Variants in SPATA17 observed in about 807,000 individuals in gnomAD.
SPATA17 encodes the protein spermatogenesis associated 17.
In SPATA17, 53 loss-of-function variants were observed where a neutral mutation model predicts 62.2. The ratio of observed to expected loss-of-function variants is 0.85; its 90% CI spans 0.68 to 1.07. SPATA17 has a LOEUF of 1.07. Among genes scored for constraint, SPATA17 ranks in the 50% least tolerant of loss-of-function variants. SPATA17 has a pLI of 0.00. For synonymous variants in SPATA17, 146 were observed against 146.8 expected (o/e 0.99, Z 0.04); for missense variants, 466 against 425.5 (o/e 1.10, Z -0.84).
At chr1:217,735,933 A>T (rs573700771) in intron 5 of SPATA17, among the ~76,000 whole-genome samples, 16 of 151,634 alleles carry the variant, frequency 1.1e-4, no homozygotes, top group Admixed American at 3.9e-4. Context: ...GTTACATAAC[A>T]TACATATTAT....
intron 9 of SPATA17, among the ~76,000 whole-genome samples, chr1:217,810,212 AC>A (rs1352792743): frequency 4.6e-5 from 7 of 152,172 alleles, no homozygotes. Flanking sequence ...AAATATAGAA[AC>A]TTTTGGATAC....
chr1:217,659,050 T>A (rs1670506443), intron 3 of SPATA17, among the ~76,000 whole-genome samples: 2 of 152,242 alleles, frequency 1.3e-5, no homozygotes, highest in South Asian at 2.1e-4. Context: ...AACTGAGTAG[T>A]TGAGGGACAG....
At chr1:217,656,312 T>G (rs895938362) in intron 3 of SPATA17, among the ~76,000 whole-genome samples, 1 of 152,200 alleles carries the variant, frequency 6.6e-6, no homozygotes, top group Non-Finnish European at 1.5e-5. Context: ...CTTTTAAGAG[T>G]TCAAATAATA....
chr1:217,661,711 C>G (rs1320396459), intron 3 of SPATA17, among the ~76,000 whole-genome samples: 1 of 152,142 alleles, frequency 6.6e-6, no homozygotes, highest in African/African-American at 2.4e-5. Flanking sequence ...TGTTGGGTCA[C>G]AACTGTGAAA....
chr1:217,831,289 A>C (rs1675133315), intron 9 of SPATA17, among the ~76,000 whole-genome samples: 1 of 152,102 alleles, frequency 6.6e-6, no homozygotes, highest in Non-Finnish European at 1.5e-5. Flanking sequence ...GCCTGTAAGC[A>C]GCATTAGAGA....
intron 6 of SPATA17, among the ~76,000 whole-genome samples, chr1:217,744,458 G>A (rs568628578): frequency 0.036 from 656 of 18,166 alleles, 75 homozygotes; most frequent in African/African-American, 0.074. Context: ...GCGAGACTCC[G>A]TCTCAAAAAA....
At chr1:217,666,509 G>A (rs922645710) in intron 3 of SPATA17, among the ~76,000 whole-genome samples, 2 of 151,388 alleles carry the variant, frequency 1.3e-5, no homozygotes, top group Admixed American at 1.3e-4. Flanking sequence ...ATGGAAATGC[G>A]GTTCACATTT....
intron 3 of SPATA17, among the ~76,000 whole-genome samples, chr1:217,664,197 A>G (rs1246422364): frequency 6.6e-6 from 1 of 151,946 alleles, no homozygotes; most frequent in Admixed American, 6.6e-5. Context: ...AGATTAGGGA[A>G]TTGAATGTGC....
intron 8 of SPATA17, among the ~76,000 whole-genome samples, chr1:217,795,104 G>A (rs1674099661): frequency 6.6e-6 from 1 of 152,056 alleles, no homozygotes; most frequent in Non-Finnish European, 1.5e-5. Context: ...CTAGTCTTAA[G>A]ACTAATGTTA....
intron 3 of SPATA17, among the ~76,000 whole-genome samples, chr1:217,652,377 T>G (rs1346989617): frequency 6.6e-6 from 1 of 152,022 alleles, no homozygotes; most frequent in Non-Finnish European, 1.5e-5. Flanking sequence ...GATTACAGGC[T>G]CCAGCCACCA....
chr1:217,787,547 C>T (rs982683808), intron 8 of SPATA17, among the ~76,000 whole-genome samples: 43 of 152,026 alleles, frequency 2.8e-4, no homozygotes, highest in Admixed American at 2.8e-3. Context: ...TCCTCAAATC[C>T]ATTTAAAAAA....
intron 9 of SPATA17, among the ~76,000 whole-genome samples, chr1:217,847,212 T>G (rs1023188337): frequency 6.6e-6 from 1 of 151,988 alleles, no homozygotes; most frequent in Non-Finnish European, 1.5e-5. Flanking sequence ...GACTAAATTT[T>G]TGTATGTATT....
At chr1:217,656,041 G>A (rs140273710) in intron 3 of SPATA17, among the ~76,000 whole-genome samples, 6,753 of 151,018 alleles carry the variant, frequency 0.045, 230 homozygotes, top group Middle Eastern at 0.11. Context: ...CACCCCCCAC[G>A]CCCGGCTAGT....
At chr1:217,631,484 G>A in intron 1 of SPATA17, 38 bp downstream of exon 1, 1 of 1,604,672 alleles carries the variant, frequency 6.2e-7, no homozygotes, top group African/African-American at 1.3e-5. Context: ...AAGGGCGGGC[G>A]TGACTTTATA....
chr1:217,654,347 C>T (rs1165129570), intron 3 of SPATA17, among the ~76,000 whole-genome samples: 1 of 151,906 alleles, frequency 6.6e-6, no homozygotes, highest in Non-Finnish European at 1.5e-5. Context: ...TCCCTGTTGG[C>T]CAGGCTGGTC....
intron 6 of SPATA17, among the ~76,000 whole-genome samples, chr1:217,771,865 C>A (rs968736887): frequency 1.3e-5 from 2 of 152,000 alleles, no homozygotes; most frequent in East Asian, 1.9e-4. Flanking sequence ...AAGAGGATTT[C>A]TAATGGAGTA....
intron 9 of SPATA17, among the ~76,000 whole-genome samples, chr1:217,858,378 C>T (rs1276092419): frequency 6.6e-5 from 10 of 152,142 alleles, no homozygotes; most frequent in Non-Finnish European, 1.5e-4. Context: ...GAGGAAAATA[C>T]TAGTGTTAAG....
chr1:217,663,153 G>C (rs180682801), intron 3 of SPATA17, among the ~76,000 whole-genome samples: 288 of 152,072 alleles, frequency 1.9e-3, no homozygotes, highest in Middle Eastern at 0.01. Flanking sequence ...TTTTAAAAAT[G>C]AACTGTTCAG....
chr1:217,639,768 C>T (rs1185155053), intron 1 of SPATA17, among the ~76,000 whole-genome samples: 1 of 152,072 alleles, frequency 6.6e-6, no homozygotes, highest in African/African-American at 2.4e-5. Flanking sequence ...TTGTCCCACT[C>T]TCACATAATA....
Sources: gnomAD v4.1 joint callset for allele counts (sites outside exome capture counted in the v4.1 genomes callset) on GRCh38, gnomAD v4.1.1 for gene constraint, MANE v1.5 for transcripts, NCBI Gene and HGNC (gene_info 2026-07-23, HGNC 2026-07-21) for gene names.